Variants in B3GALT1 observed in about 807,000 individuals in gnomAD.
B3GALT1 encodes beta-1,3-galactosyltransferase 1, also known as UDP-Gal:betaGlcNAc beta 1,3-galactosyltransferase, polypeptide 1.
A neutral mutation model predicts 23.2 loss-of-function variants in B3GALT1; 10 were observed. The ratio of observed to expected loss-of-function variants is 0.43; its 90% confidence interval spans 0.27 to 0.73. The LOEUF (loss-of-function observed/expected upper bound fraction) is 0.73, where lower values mean the gene tolerates loss of function less well. Among genes scored for constraint, B3GALT1 ranks in the 30% least tolerant of loss-of-function variants. The pLI, the probability that B3GALT1 is intolerant of heterozygous loss-of-function variation, is 0.21. For synonymous variants in B3GALT1, 156 were observed against 141.5 expected, an observed-to-expected ratio of 1.10 and a Z score of -0.73; for missense variants, 299 against 405.4, an observed-to-expected ratio of 0.74 and a Z score of 2.25.
chr2:167,438,694 C>G lies in B3GALT1; in HGVS notation c.-510-51483C>G, dbSNP rs1448768431. ...CAACAAGTATTCTTCAGGGGCCCCA[C>G]AGGGCAGACTGAGGAGAGAAATAAT... On this transcript the variant is annotated intron_variant, in intron 1 of 4. Transcript: ENST00000392690. 3.3e-5 allele frequency among the ~76,000 whole-genome samples: 5 copies of G among 152,190 alleles called. No homozygotes were observed. The South Asian group carries it at 6.2e-4, about 19-fold the overall frequency.
intron 1 of B3GALT1, among the ~76,000 whole-genome samples, chr2:167,442,001 G>A (rs181982968): frequency 2.2e-4 from 33 of 151,724 alleles, no homozygotes; most frequent in African/African-American, 8.0e-4. Context: ...CTAGCATTAG[G>A]TATATCTCCC....
chr2:167,593,485 T>G (rs1684719535), intron 2 of B3GALT1, among the ~76,000 whole-genome samples: 1 of 152,188 alleles, frequency 6.6e-6, no homozygotes. Context: ...TCCACAAAAC[T>G]CATAACAGTG....
chr2:167,779,615 A>T (rs981024263), intron 3 of B3GALT1, among the ~76,000 whole-genome samples: 91 of 152,182 alleles, frequency 6.0e-4, no homozygotes, highest in African/African-American at 2.0e-3. Context: ...ACAAATCAAG[A>T]TGCATGCTCT....
At chr2:167,330,765 T>C (rs1450327920) in intron 1 of B3GALT1, among the ~76,000 whole-genome samples, 1 of 152,254 alleles carries the variant, frequency 6.6e-6, no homozygotes, top group East Asian at 1.9e-4. Context: ...TATATTGTTT[T>C]TGGAATTCTC....
intron 2 of B3GALT1, among the ~76,000 whole-genome samples, chr2:167,598,838 C>T (rs1165651936): frequency 6.6e-6 from 1 of 152,112 alleles, no homozygotes; most frequent in Non-Finnish European, 1.5e-5. Context: ...TTGCTTAAGG[C>T]TTTTCACAAT....
chr2:167,830,415 G>A (rs969757878), intron 4 of B3GALT1, among the ~76,000 whole-genome samples: 8 of 151,862 alleles, frequency 5.3e-5, no homozygotes, highest in South Asian at 2.1e-4. Flanking sequence ...TCAAGGAGAC[G>A]TGCAAATGTT....
chr2:167,734,373 A>G (rs1574236413), intron 3 of B3GALT1, among the ~76,000 whole-genome samples: 2 of 152,112 alleles, frequency 1.3e-5, no homozygotes, highest in Admixed American at 6.5e-5. Context: ...TGTGGCTGCC[A>G]CTGTAACACC....
chr2:167,539,209 A>G (rs956217746), intron 2 of B3GALT1, among the ~76,000 whole-genome samples: 1 of 152,170 alleles, frequency 6.6e-6, no homozygotes, highest in African/African-American at 2.4e-5. Context: ...AAACAGGATT[A>G]GAATTCTCAA....
chr2:167,677,648 C>T (rs1172622587), intron 3 of B3GALT1, among the ~76,000 whole-genome samples: 1 of 152,238 alleles, frequency 6.6e-6, no homozygotes, highest in Non-Finnish European at 1.5e-5. Context: ...TCACCAAGTG[C>T]CTCAGAATGT....
At chr2:167,604,077 G>A (rs1477108758) in intron 2 of B3GALT1, among the ~76,000 whole-genome samples, 2 of 151,976 alleles carry the variant, frequency 1.3e-5, no homozygotes, top group Admixed American at 6.6e-5. Context: ...TGAACTGAAT[G>A]TACTTTTTAT....
intron 2 of B3GALT1, among the ~76,000 whole-genome samples, chr2:167,564,253 T>A (rs1410879434): frequency 2.8e-5 from 4 of 143,670 alleles, no homozygotes; most frequent in African/African-American, 1.1e-4. Context: ...GCTCCCCACA[T>A]CTCAGACGAT....
intron 2 of B3GALT1, among the ~76,000 whole-genome samples, chr2:167,587,737 A>C (rs1341670225): frequency 6.6e-6 from 1 of 152,228 alleles, no homozygotes; most frequent in Non-Finnish European, 1.5e-5. Context: ...TTACATCACC[A>C]AAATTTGGGC....
rs1689580346 is a variant in B3GALT1, at chr2:167,839,491, A to C, written c.-230+20698A>C. On this transcript the variant is annotated intron_variant, in intron 4 of 4. Transcript: ENST00000392690. ...TACAAGGGATGTGAAGGACCTCTTC[A>C]AGGAGAACTACAAACCACTGCTCAA... Among the ~76,000 whole-genome samples, 3 of 152,368 alleles carry C rather than the reference A, an allele frequency of 2.0e-5. No individual in the cohort carries two copies. The South Asian group carries it at 6.2e-4, about 32-fold the overall frequency.
At chr2:167,392,869 A>G (rs893792278) in intron 1 of B3GALT1, among the ~76,000 whole-genome samples, 2 of 152,208 alleles carry the variant, frequency 1.3e-5, no homozygotes, top group African/African-American at 4.8e-5. Context: ...TGATGGATGT[A>G]TCATAACACA....
At chr2:167,489,359 G>T (rs963356886) in intron 1 of B3GALT1, among the ~76,000 whole-genome samples, 1 of 152,174 alleles carries the variant, frequency 6.6e-6, no homozygotes, top group East Asian at 1.9e-4. Flanking sequence ...CTTTAAAATA[G>T]ATTTTTCAGT....
chr2:167,472,473 G>A (rs1699430702), intron 1 of B3GALT1, among the ~76,000 whole-genome samples: 1 of 152,060 alleles, frequency 6.6e-6, no homozygotes, highest in Non-Finnish European at 1.5e-5. Flanking sequence ...ATCTCACTGT[G>A]GGCACTACCC....
At chr2:167,761,708 T>C (rs375071991) in intron 3 of B3GALT1, among the ~76,000 whole-genome samples, 7 of 152,214 alleles carry the variant, frequency 4.6e-5, no homozygotes, top group African/African-American at 1.7e-4. Context: ...GAGGTCAAAG[T>C]CTTTCCAAAG....
chr2:167,565,432 A>G (rs1320209817), intron 2 of B3GALT1, among the ~76,000 whole-genome samples: 3 of 152,258 alleles, frequency 2.0e-5, no homozygotes, highest in Admixed American at 1.3e-4. Flanking sequence ...ATTAGCATTC[A>G]GGACATAGGC....
intron 3 of B3GALT1, among the ~76,000 whole-genome samples, chr2:167,653,107 A>G (rs547291994): frequency 1.3e-5 from 2 of 152,316 alleles, no homozygotes; most frequent in Admixed American, 1.3e-4. Flanking sequence ...AAATATGTAC[A>G]TATGTTAAAT....
Sources: gnomAD v4.1 joint callset for allele counts (sites outside exome capture counted in the v4.1 genomes callset) on GRCh38, gnomAD v4.1.1 for gene constraint, MANE v1.5 for transcripts, NCBI Gene and HGNC (gene_info 2026-07-23, HGNC 2026-07-21) for gene names.